The following RAP1GAP2 variants were observed in gnomAD, a reference collection of about 807,000 sequenced individuals.
RAP1GAP2 encodes rap1 GTPase-activating protein 2.
In RAP1GAP2, 27 loss-of-function variants were observed where a neutral mutation model predicts 95.0. The observed-to-expected ratio is 0.28, with a 90% CI of 0.21 to 0.39. The LOEUF (loss-of-function observed/expected upper bound fraction) is 0.39, where lower values mean the gene tolerates loss of function less well. Among genes scored for constraint, RAP1GAP2 ranks in the 10% least tolerant of loss-of-function variants. RAP1GAP2 has a pLI of 1.00. For missense variants in RAP1GAP2, 771 were observed against 970.0 expected, an observed-to-expected ratio of 0.79 and a Z score of 2.72; for synonymous variants, 373 against 380.9, an observed-to-expected ratio of 0.98 and a Z score of 0.24.
intron 1 of RAP1GAP2, among the ~76,000 whole-genome samples, chr17:2,770,077 CA>C (rs533020473): frequency 0.015 from 1,492 of 98,112 alleles, 74 homozygotes; most frequent in Admixed American, 0.14. Context: ...GGTCTCAAAA[CA>C]AAAAAAAAAA....
At chr17:2,794,300 C>A (rs1346815617), upstream of RAP1GAP2, among the ~76,000 whole-genome samples, 1 of 152,140 alleles carries the variant, frequency 6.6e-6, no homozygotes, top group Non-Finnish European at 1.5e-5. Context: ...CTGGCCAGGC[C>A]TGGTCAGGTG....
intron 17 of RAP1GAP2, among the ~76,000 whole-genome samples, chr17:3,015,374 A>T (rs1301132067): frequency 6.6e-6 from 1 of 152,106 alleles, no homozygotes; most frequent in Non-Finnish European, 1.5e-5. Context: ...CCTTGTCAGG[A>T]TAGAAAAGCA....
chr17:2,836,371 C>T lies in RAP1GAP2; in HGVS notation c.80+35821C>T, dbSNP rs141512413. 2.3e-3 allele frequency among the ~76,000 whole-genome samples: 352 copies of T among 152,222 alleles called. 2 individuals carry two copies. Among genetic ancestry groups the T allele is most frequent in the African/African-American group, 7.1e-3 (297 of 41,540 alleles). The stretch of plus-strand genomic sequence containing the variant: ...CTTTGGCCGGGTGCAGTGGCTCACA[C>T]CTGTAATCTCAGGACTTGGGGAGGC... On this transcript the variant is annotated intron_variant, in intron 2 of 24. Transcript: ENST00000254695.
chr17:2,865,292 C>A (rs1259045901), intron 2 of RAP1GAP2, among the ~76,000 whole-genome samples: 1 of 152,140 alleles, frequency 6.6e-6, no homozygotes, highest in African/African-American at 2.4e-5. Flanking sequence ...AGAACTCTGG[C>A]ACCCTAGAAC....
chr17:2,953,885 G>T (rs929784417), intron 3 of RAP1GAP2, among the ~76,000 whole-genome samples: 4 of 152,126 alleles, frequency 2.6e-5, no homozygotes, highest in Non-Finnish European at 5.9e-5. Flanking sequence ...CAATTCAGTG[G>T]TTTTTGGTGG....
chr17:2,841,073 C>T (rs148596738), intron 2 of RAP1GAP2, among the ~76,000 whole-genome samples: 76 of 147,388 alleles, frequency 5.2e-4, no homozygotes, highest in Admixed American at 4.2e-3. Context: ...GAGAATCGCT[C>T]GAACCTGGGA....
chr17:2,978,656 G>A lies in RAP1GAP2; in HGVS notation c.597-1631G>A, dbSNP rs185753682. ...CTGTATTAATAAATTGACTTCGGCCGGGTGCTGTGGCTCACCCCTGTAATC... is the reference window on the plus strand; with the variant it reads ...CTGTATTAATAAATTGACTTCGGCCAGGTGCTGTGGCTCACCCCTGTAATC... On this transcript the variant is annotated intron_variant, in intron 8 of 24. Transcript: ENST00000254695. 2.8e-4 allele frequency among the ~76,000 whole-genome samples: 42 copies of A among 152,224 alleles called. No homozygotes were observed. In the East Asian group the frequency reaches 7.7e-3, roughly 28 times the overall value.
intron 3 of RAP1GAP2, among the ~76,000 whole-genome samples, chr17:2,923,201 A>G (rs2042847575): frequency 6.6e-6 from 1 of 151,416 alleles, no homozygotes; most frequent in African/African-American, 2.4e-5. Context: ...CACCACACCC[A>G]GTTAATTTTT....
chr17:2,944,693 G>A (rs1048672634), intron 3 of RAP1GAP2, among the ~76,000 whole-genome samples: 9 of 151,252 alleles, frequency 6.0e-5, no homozygotes, highest in African/African-American at 1.2e-4. Flanking sequence ...GATAGAGATC[G>A]CGTTAGATAG....
chr17:2,978,928 T>C (rs1399441903), intron 8 of RAP1GAP2, among the ~76,000 whole-genome samples: 1 of 101,660 alleles, frequency 9.8e-6, no homozygotes, highest in Non-Finnish European at 2.2e-5. Flanking sequence ...AGAGCGAAAC[T>C]CTGTCTCAAA....
chr17:2,950,472 C>A (rs1288674440), intron 3 of RAP1GAP2, among the ~76,000 whole-genome samples: 2 of 152,140 alleles, frequency 1.3e-5, no homozygotes, highest in Non-Finnish European at 2.9e-5. Flanking sequence ...CCAGAGGGAG[C>A]TTTCCCATAG....
At chr17:2,838,080 G>A (rs1172213529) in intron 2 of RAP1GAP2, among the ~76,000 whole-genome samples, 1 of 143,404 alleles carries the variant, frequency 7.0e-6, no homozygotes, top group Non-Finnish European at 1.5e-5. Flanking sequence ...GTGCGGTGGT[G>A]CGATCTCGGC....
rs77999410 is a variant in RAP1GAP2, at chr17:2,995,759, T to G, written c.1044+293T>G. ...TGACTGATGGGAAAACTGCAGCCCA[T>G]GGTGGTGACAAGACTTCCTTGAGGT... On this transcript the variant is annotated intron_variant, in intron 13 of 24. Coordinates refer to ENST00000254695, the MANE Select transcript of RAP1GAP2 (RefSeq NM_015085.5). Among the ~76,000 whole-genome samples the G allele has an allele frequency of 0.014, 2,148 of 152,198 alleles. 183 individuals are homozygous for G. In the East Asian group the frequency reaches 0.23, roughly 16 times the overall value.
rs940595980 is a variant in RAP1GAP2 at position 3,005,739 on chromosome 17, G to T, written c.1273-216G>T. ...TGGGCAGGAATGAGCTCCAGTCGTG[G>T]AAGTGCCACTGTGGCTTCCCAGGAC... On this transcript the variant is annotated intron_variant, in intron 15 of 24. Transcript: ENST00000254695. The surrounding 1 kb of genome is among the most constrained non-coding windows in gnomAD (Gnocchi z 5.2). Among the ~76,000 whole-genome samples, 2 of 152,180 alleles carry T rather than the reference G, an allele frequency of 1.3e-5. No individual in the cohort carries two copies. The highest frequency in any genetic ancestry group is 2.4e-5 in the African/African-American group (1 of 41,444).
intron 2 of RAP1GAP2, among the ~76,000 whole-genome samples, chr17:2,831,491 C>G (rs2070850899): frequency 6.6e-6 from 1 of 151,756 alleles, no homozygotes; most frequent in African/African-American, 2.4e-5. Flanking sequence ...TGCCTCTGCC[C>G]CATTCCTTTT....
chr17:2,916,120 T>C (rs1299674423), intron 3 of RAP1GAP2, among the ~76,000 whole-genome samples: 1 of 152,210 alleles, frequency 6.6e-6, no homozygotes, highest in East Asian at 1.9e-4. Flanking sequence ...GTTCCAGTAC[T>C]GTATGTTGAG....
rs1413961003 is a variant in RAP1GAP2, at chr17:2,827,887, G to A, written c.80+27337G>A. ...GGTTGCAGCAGGCACGCCAGTGACGGTGGGGGCCCAGGGGGAGCGTGGCAG... is the reference window on the plus strand; with the variant it reads ...GGTTGCAGCAGGCACGCCAGTGACGATGGGGGCCCAGGGGGAGCGTGGCAG... On this transcript the variant is annotated intron_variant, in intron 2 of 24. Transcript: ENST00000254695. The surrounding 1 kb of genome is among the most constrained non-coding windows in gnomAD (Gnocchi z 4.1). 6.6e-6 allele frequency among the ~76,000 whole-genome samples: 1 copy of A among 152,182 alleles called. No individual in the cohort carries two copies. Among genetic ancestry groups the A allele is most frequent in the African/African-American group, 2.4e-5 (1 of 41,460 alleles).
chr17:2,776,732 G>T (rs1348609123), upstream of RAP1GAP2, among the ~76,000 whole-genome samples: 1 of 149,620 alleles, frequency 6.7e-6, no homozygotes, highest in Admixed American at 6.6e-5. Context: ...TGTGCGGGCG[G>T]TGGCGGCTGC....
intron 1 of RAP1GAP2, among the ~76,000 whole-genome samples, chr17:2,769,036 G>T (rs1226136738): frequency 6.6e-6 from 1 of 151,358 alleles, no homozygotes; most frequent in Non-Finnish European, 1.5e-5. Context: ...AGACCAGCCT[G>T]GGCAACATAG....
Sources: gnomAD v4.1 joint callset for allele counts (sites outside exome capture counted in the v4.1 genomes callset) on GRCh38, gnomAD v4.1.1 for gene constraint, Gnocchi (gnomAD v3.1) non-coding constraint, MANE v1.5 for transcripts, NCBI Gene and HGNC (gene_info 2026-07-23, HGNC 2026-07-21) for gene names.